Variants in UST observed in about 807,000 individuals in gnomAD.
UST encodes the protein uronyl 2-sulfotransferase, also known as chondroitin sulfate 2-O-sulfotransferase.
UST carries 21 observed loss-of-function variants against 45.6 expected under a neutral mutation model. The ratio of observed to expected loss-of-function variants is 0.46; its 90% CI spans 0.33 to 0.66. The LOEUF is 0.66. UST is among the 30% of genes least tolerant of loss of function. The pLI is 0.02. For missense variants in UST, 463 were observed against 512.4 expected (o/e 0.90, Z 0.93); for synonymous variants, 215 against 200.6 (o/e 1.07, Z -0.61).
Position 149,010,913 on chromosome 6 carries a change from A to AAAAC in UST, c.682-8223_682-8222insCAAA, listed in dbSNP as rs1554234079. On this transcript the variant is annotated intron_variant, in intron 5 of 7. Coordinates refer to ENST00000367463, the MANE Select transcript of UST (RefSeq NM_005715.3). ...TCTCAACCAAAAAAAAAAAAAAAAA[A>AAAAC]AAAAAACTGTGACTATTTATTTGTC... Among the ~76,000 whole-genome samples, 157 of 93,014 alleles carry AAAAC rather than the reference A, an allele frequency of 1.7e-3. 6 individuals carry two copies. The Middle Eastern group carries it at 0.049, about 29-fold the overall frequency. 61.0% of individuals were successfully genotyped at this position (93,014 alleles called of 152,430 possible). A position where few individuals can be genotyped will look rare whatever the true frequency, so the allele number is the denominator to read the frequency against.
rs1241895575 is a variant in UST at position 149,076,268 on chromosome 6, T to C, written c.*2152T>C. On this transcript the variant is annotated 3_prime_UTR_variant, in exon 8 of 8. Coordinates refer to ENST00000367463, the MANE Select transcript of UST (RefSeq NM_005715.3). ...GAACTGCTGCCTGGTACCCTGTGAGTCATTTCTATGAAATTCCATATAAAG... is the reference window on the plus strand; with the variant it reads ...GAACTGCTGCCTGGTACCCTGTGAGCCATTTCTATGAAATTCCATATAAAG... 1.3e-5 allele frequency: 2 copies of C among 152,198 alleles called. No homozygotes were observed. The highest frequency in any genetic ancestry group is 2.9e-5 in the Non-Finnish European group (2 of 68,040). 9.4% of individuals were successfully genotyped at this position (152,198 alleles called of 1,614,324 possible).
intron 1 of UST, among the ~76,000 whole-genome samples, chr6:148,799,335 C>T (rs910788161): frequency 6.6e-6 from 1 of 152,180 alleles, no homozygotes; most frequent in Non-Finnish European, 1.5e-5. Context: ...GTTGTTATCT[C>T]CACAGATTGA....
intron 1 of UST, among the ~76,000 whole-genome samples, chr6:148,876,813 C>A (rs1201671046): frequency 6.6e-6 from 1 of 151,658 alleles, no homozygotes; most frequent in Non-Finnish European, 1.5e-5. Flanking sequence ...GCATTGGGCT[C>A]CTCTGTGCTG....
chr6:148,965,950 G>A (rs1404109305), intron 5 of UST, among the ~76,000 whole-genome samples: 4 of 148,934 alleles, frequency 2.7e-5, no homozygotes, highest in Admixed American at 2.0e-4. Flanking sequence ...GAGGCCGGGC[G>A]CAGTGGCTCA....
chr6:148,977,765 A>AG (rs1236090933), intron 5 of UST, among the ~76,000 whole-genome samples: 7 of 151,248 alleles, frequency 4.6e-5, no homozygotes, highest in African/African-American at 1.5e-4. Flanking sequence ...AAAAAAAAAA[A>AG]AAAAAAGAAA....
Position 149,074,198 on chromosome 6 carries a change from A to T in UST, c.*82A>T, listed in dbSNP as rs1369795941. 1.4e-6 allele frequency: 2 copies of T among 1,459,584 alleles called. No homozygotes were observed. The highest frequency in any genetic ancestry group is 1.9e-6 in the Non-Finnish European group (2 of 1,069,542). The allele number at this position is 1,459,584 out of a possible 1,614,324, so 90.4% of individuals were successfully genotyped here. A position where few individuals can be genotyped will look rare whatever the true frequency, so the allele number is the denominator to read the frequency against. ...GGGAAGTAAAATCCTTAAGGGACTAAATTAATGCTTGGGTGCATTAAAAAG... is the reference window on the plus strand; with the variant it reads ...GGGAAGTAAAATCCTTAAGGGACTATATTAATGCTTGGGTGCATTAAAAAG... On this transcript the variant is annotated 3_prime_UTR_variant, in exon 8 of 8. Coordinates refer to ENST00000367463, the MANE Select transcript of UST (RefSeq NM_005715.3).
At chr6:148,945,255 T>A (rs1483810757) in intron 3 of UST, among the ~76,000 whole-genome samples, 2 of 152,224 alleles carry the variant, frequency 1.3e-5, no homozygotes, top group African/African-American at 4.8e-5. Context: ...GTGAGACACC[T>A]AAGACAATCA....
intron 2 of UST, among the ~76,000 whole-genome samples, chr6:148,899,855 G>A (rs1779213405): frequency 6.6e-6 from 1 of 152,206 alleles, no homozygotes; most frequent in Admixed American, 6.5e-5. Flanking sequence ...GTCTGTGCAA[G>A]AGAAGGATTT....
rs34342100 is a variant in UST at position 148,748,399 on chromosome 6, TTGTGTGTG to T, written c.247+769_247+776del. ...GTGCGTCTCAAGCTCAAGTCAAAAC[TTGTGTGTG>T]TGTGTGTGTGTGTGTGTGTGTGTGT... On this transcript the variant is annotated intron_variant, in intron 1 of 7. Coordinates refer to ENST00000367463, the MANE Select transcript of UST (RefSeq NM_005715.3). This position sits in a 1 kb window ranked among gnomAD's most constrained non-coding sequence, Gnocchi z 5.3. Among the ~76,000 whole-genome samples the T allele has an allele frequency of 0.17, 21,960 of 127,272 alleles. 1,911 individuals are homozygous for T. The highest frequency in any genetic ancestry group is 0.24 in the African/African-American group (7,876 of 32,478). The allele number at this position is 127,272 out of a possible 152,430, so 83.5% of individuals were successfully genotyped here.
intron 2 of UST, among the ~76,000 whole-genome samples, chr6:148,925,508 G>T (rs1387298699): frequency 6.6e-6 from 1 of 152,154 alleles, no homozygotes; most frequent in Non-Finnish European, 1.5e-5. Flanking sequence ...TCCAAAGGTT[G>T]CCAATGTGTA....
At chr6:149,028,389 C>G (rs1776082065) in intron 7 of UST, among the ~76,000 whole-genome samples, 2 of 152,138 alleles carry the variant, frequency 1.3e-5, no homozygotes, top group South Asian at 4.2e-4. Flanking sequence ...ATTAGCCTGC[C>G]CACCAAGCCC....
chr6:148,815,799 C>T (rs1562266175), intron 1 of UST, among the ~76,000 whole-genome samples: 1 of 152,128 alleles, frequency 6.6e-6, no homozygotes, highest in African/African-American at 2.4e-5. Flanking sequence ...CTCCTGTCTT[C>T]AGATTTAAAT....
chr6:149,055,159 C>T (rs1018003997), intron 7 of UST, among the ~76,000 whole-genome samples: 1 of 152,130 alleles, frequency 6.6e-6, no homozygotes, highest in African/African-American at 2.4e-5. Context: ...AGTCATAAAT[C>T]AACCAGCAAG....
At chr6:148,910,508 T>C (rs75648432) in intron 2 of UST, among the ~76,000 whole-genome samples, 1,540 of 152,236 alleles carry the variant, frequency 0.01, 26 homozygotes, top group African/African-American at 0.035. Flanking sequence ...AGTTAAGCCA[T>C]CTCCGTCTCT....
At chr6:148,886,223 A>G (rs914384817) in intron 1 of UST, among the ~76,000 whole-genome samples, 1 of 152,216 alleles carries the variant, frequency 6.6e-6, no homozygotes, top group African/African-American at 2.4e-5. Context: ...GTGACTGTGC[A>G]TAGGTTACTG....
intron 1 of UST, among the ~76,000 whole-genome samples, chr6:148,834,748 A>G (rs1777755228): frequency 6.6e-6 from 1 of 152,222 alleles, no homozygotes; most frequent in African/African-American, 2.4e-5. Flanking sequence ...GAAAGCAAAC[A>G]AACAAAAAAC....
At chr6:149,041,632 C>T (rs531414681) in intron 7 of UST, among the ~76,000 whole-genome samples, 12 of 152,152 alleles carry the variant, frequency 7.9e-5, no homozygotes. Flanking sequence ...TGAAATGCGC[C>T]GCTGTTCAGA....
intron 1 of UST, among the ~76,000 whole-genome samples, chr6:148,842,616 C>T (rs1777910833): frequency 1.3e-5 from 2 of 152,268 alleles, no homozygotes; most frequent in South Asian, 4.1e-4. Context: ...TCTGCACATC[C>T]CTCCCTCTGT....
chr6:148,931,083 T>C (rs935585939), intron 2 of UST, among the ~76,000 whole-genome samples: 8 of 152,078 alleles, frequency 5.3e-5, no homozygotes, highest in African/African-American at 1.9e-4. Context: ...CTTCTGAGGG[T>C]TGTAATGAGA....
Sources: allele counts gnomAD v4.1 joint callset (sites outside exome capture counted in the v4.1 genomes callset), GRCh38; gene constraint gnomAD v4.1.1; non-coding constraint Gnocchi (gnomAD v3.1); transcripts MANE v1.5; gene names NCBI Gene and HGNC (gene_info 2026-07-23, HGNC 2026-07-21).